KPNA1: variants seen among roughly 807,000 people sequenced by gnomAD.
KPNA1 encodes karyopherin subunit alpha 1, also known as importin subunit alpha-5.
In KPNA1, 10 loss-of-function variants were observed where a neutral mutation model predicts 70.5. That is an observed-to-expected ratio of 0.14 (90% CI 0.09 to 0.24). KPNA1 has a LOEUF of 0.24. KPNA1 is among the 10% of genes least tolerant of loss of function. KPNA1 has a pLI of 1.00. For missense variants in KPNA1, 397 were observed against 637.9 expected (o/e 0.62, Z 4.07); for synonymous variants, 192 against 221.9 (o/e 0.87, Z 1.20).
At chr3:122,466,474 T>C (rs2076381877) in intron 3 of KPNA1, among the ~76,000 whole-genome samples, 1 of 152,022 alleles carries the variant, frequency 6.6e-6, no homozygotes, top group South Asian at 2.1e-4. Context: ...TGTACACATA[T>C]ATATATATGT....
chr3:122,432,639 G>C (rs563323900), intron 12 of KPNA1: 1 of 152,254 alleles, frequency 6.6e-6, no homozygotes, highest in Non-Finnish European at 1.5e-5. Context: ...GACTGGCTGA[G>C]TCTAGGCTAG....
At chr3:122,428,422 ATTTC>A (rs1355401637) in intron 12 of KPNA1, among the ~76,000 whole-genome samples, 4 of 152,322 alleles carry the variant, frequency 2.6e-5, no homozygotes, top group Admixed American at 2.0e-4. Flanking sequence ...GTGCTAATCT[ATTTC>A]TTTCTCACAT....
chr3:122,467,992 C>T (rs1045830004), intron 2 of KPNA1, among the ~76,000 whole-genome samples: 1 of 152,130 alleles, frequency 6.6e-6, no homozygotes, highest in Non-Finnish European at 1.5e-5. Flanking sequence ...AGTCAGCCAA[C>T]GAGGGTGATT....
intron 2 of KPNA1, among the ~76,000 whole-genome samples, chr3:122,481,413 A>C (rs2076569382): frequency 6.6e-6 from 1 of 152,214 alleles, no homozygotes; most frequent in South Asian, 2.1e-4. Context: ...TAAAGAAACC[A>C]ATCACAAAAG....
intron 2 of KPNA1, among the ~76,000 whole-genome samples, chr3:122,480,503 C>A (rs1237006365): frequency 6.6e-6 from 1 of 151,548 alleles, no homozygotes; most frequent in Non-Finnish European, 1.5e-5. Flanking sequence ...CAGACACATA[C>A]AAACTGAATG....
At chr3:122,459,774 C>CGGTA in intron 5 of KPNA1, 1 of 985,422 alleles carries the variant, frequency 1.0e-6, no homozygotes, top group Non-Finnish European at 1.2e-6. Context: ...AGTACTCTAC[C>CGGTA]TTTTCTGGAT....
intron 2 of KPNA1, among the ~76,000 whole-genome samples, chr3:122,484,029 A>G (rs2076601626): frequency 6.6e-6 from 1 of 152,198 alleles, no homozygotes. Flanking sequence ...CCCTATCAGA[A>G]TTGTGCATAC....
Position 122,464,061 on chromosome 3 carries a change from G to T in KPNA1, c.238-20C>A. ...ACCACCCTGCGATCACAAACAAAAA[G>T]AACATATAATAAATTATCACCCTTA... On this transcript the variant is annotated intron_variant, in intron 3 of 13. Coordinates refer to ENST00000344337, the MANE Select transcript of KPNA1 (RefSeq NM_002264.4). 1 of 1,354,748 alleles carries T rather than the reference G, an allele frequency of 7.4e-7. No homozygotes were observed. Among genetic ancestry groups the T allele is most frequent in the Non-Finnish European group, 1.0e-6 (1 of 972,164 alleles). The allele number at this position is 1,354,748 out of a possible 1,614,324, so 83.9% of individuals were successfully genotyped here.
intron 5 of KPNA1, chr3:122,457,854 G>A: frequency 7.8e-7 from 1 of 1,288,922 alleles, no homozygotes; most frequent in Non-Finnish European, 1.0e-6. Context: ...CTCACCTGGA[G>A]AGCAAGTGAA....
rs148747467 is a variant in KPNA1, at chr3:122,464,008, T to C, written c.271A>G (p.Ile91Val). ...GVITSDMIEM[I>V]FSKSPEQQLS... Reference sequence around the variant, plus strand: ...TGTTGCTCTGGGCTTTTGGAAAATATCATTTCAATCATGTCAGAAGTGATG... The same window carrying C: ...TGTTGCTCTGGGCTTTTGGAAAATACCATTTCAATCATGTCAGAAGTGATG... The change falls in exon 4 of 14, where the codon ATA (isoleucine) becomes GTA (valine). Residue 91 changes from isoleucine to valine, a missense_variant. Physicochemically the swap from Ile to Val is conservative, Grantham distance 29. Coordinates refer to ENST00000344337, the MANE Select transcript of KPNA1 (RefSeq NM_002264.4). 1.2e-6 allele frequency: 2 copies of C among 1,605,734 alleles called. No homozygotes were observed. Among genetic ancestry groups the C allele is most frequent in the African/African-American group, 1.3e-5 (1 of 74,732 alleles).
At chr3:122,460,642 AAAG>A in intron 5 of KPNA1, 5 of 670,286 alleles carry the variant, frequency 7.5e-6, no homozygotes, top group Non-Finnish European at 9.2e-6. Flanking sequence ...GTCTCAAGAA[AAAG>A]AAGAAAAAAA....
rs1380845010 is a variant in KPNA1 at position 122,478,531 on chromosome 3, G to A, written c.130-11102C>T. ...GTCAGGAGTTCAAGACCACCAGCCT[G>A]GACAACATGGGGAAACCCCATCTCT... On this transcript the variant is annotated intron_variant, in intron 2 of 13. Coordinates refer to ENST00000344337, the MANE Select transcript of KPNA1 (RefSeq NM_002264.4). 2.0e-5 allele frequency among the ~76,000 whole-genome samples: 3 copies of A among 149,144 alleles called. No homozygotes were observed. In the East Asian group the frequency reaches 5.9e-4, roughly 29 times the overall value.
intron 2 of KPNA1, among the ~76,000 whole-genome samples, chr3:122,481,031 C>G (rs914774686): frequency 2.0e-5 from 3 of 152,086 alleles, no homozygotes; most frequent in Non-Finnish European, 4.4e-5. Context: ...GAAACTGAAG[C>G]CTTCAAACAT....
intron 1 of KPNA1, among the ~76,000 whole-genome samples, chr3:122,498,579 C>A (rs576626988): frequency 2.0e-5 from 3 of 152,302 alleles, no homozygotes; most frequent in African/African-American, 7.2e-5. Context: ...AGTTTAATTT[C>A]TTGACATTCA....
intron 11 of KPNA1, among the ~76,000 whole-genome samples, chr3:122,436,283 T>C (rs2075986710): frequency 6.6e-6 from 1 of 152,204 alleles, no homozygotes; most frequent in African/African-American, 2.4e-5. Flanking sequence ...TGACAATGCA[T>C]GCCTGAAACC....
intron 10 of KPNA1, among the ~76,000 whole-genome samples, chr3:122,441,233 A>C (rs1334083405): frequency 6.6e-6 from 1 of 152,234 alleles, no homozygotes; most frequent in African/African-American, 2.4e-5. Context: ...TCAACATCAC[A>C]ACACAGCTGA....
chr3:122,500,144 T>TG (rs750290328), intron 1 of KPNA1, among the ~76,000 whole-genome samples: 1 of 152,120 alleles, frequency 6.6e-6, no homozygotes, highest in Non-Finnish European at 1.5e-5. Context: ...TGTTTTGAGA[T>TG]GGAGTCTCAC....
chr3:122,489,639 T>C (rs961931908), intron 2 of KPNA1, among the ~76,000 whole-genome samples: 1 of 152,160 alleles, frequency 6.6e-6, no homozygotes, highest in Non-Finnish European at 1.5e-5. Context: ...ATAATAACCA[T>C]TTATATTTTA....
intron 2 of KPNA1, among the ~76,000 whole-genome samples, chr3:122,484,846 T>C (rs1237759553): frequency 6.6e-6 from 1 of 152,122 alleles, no homozygotes; most frequent in East Asian, 1.9e-4. Context: ...ACAAACTGAA[T>C]AGCTGATTCT....
Sources: allele counts gnomAD v4.1 joint callset (sites outside exome capture counted in the v4.1 genomes callset), GRCh38; gene constraint gnomAD v4.1.1; transcripts MANE v1.5; gene names NCBI Gene and HGNC (gene_info 2026-07-23, HGNC 2026-07-21).